Variants in DOCK4 observed in about 807,000 individuals in gnomAD.
DOCK4 encodes the protein dedicator of cytokinesis 4, also known as dedicator of cytokinesis protein 4.
Under a neutral mutation model 268.1 loss-of-function variants are expected in DOCK4, and 97 were observed. The ratio of observed to expected loss-of-function variants is 0.36; its 90% CI spans 0.31 to 0.43. The LOEUF is 0.43. Among genes scored for constraint, DOCK4 ranks in the 20% least tolerant of loss-of-function variants. The pLI is 1.00. For synonymous variants in DOCK4, 954 were observed against 887.2 expected (o/e 1.08, Z -1.34); for missense variants, 2,145 against 2,455.7 (o/e 0.87, Z 2.67).
At chr7:111,906,342 G>A (rs1791566247) in intron 13 of DOCK4, among the ~76,000 whole-genome samples, 1 of 152,066 alleles carries the variant, frequency 6.6e-6, no homozygotes, top group Admixed American at 6.6e-5. Context: ...AGAAGGAAGA[G>A]GTAGACAATA....
intron 13 of DOCK4, among the ~76,000 whole-genome samples, chr7:111,907,441 C>T (rs997281555): frequency 4.7e-5 from 7 of 147,896 alleles, no homozygotes; most frequent in African/African-American, 1.5e-4. Flanking sequence ...TCTGGCAGCC[C>T]GTTGGGGGAA....
chr7:112,098,986 T>A (rs906240014), intron 1 of DOCK4, among the ~76,000 whole-genome samples: 2 of 151,718 alleles, frequency 1.3e-5, no homozygotes, highest in Non-Finnish European at 2.9e-5. Context: ...CCCAGAAAGG[T>A]CAATCAATAG....
intron 52 of DOCK4, 55 bp downstream of exon 52, chr7:111,732,171 A>C: frequency 6.4e-7 from 1 of 1,563,130 alleles, no homozygotes; most frequent in Non-Finnish European, 8.8e-7. Flanking sequence ...GATGAGTCTT[A>C]GAGAAAAAGA....
At chr7:111,972,733 G>T (rs754239165) in intron 8 of DOCK4, among the ~76,000 whole-genome samples, 7 of 151,214 alleles carry the variant, frequency 4.6e-5, no homozygotes, top group Non-Finnish European at 8.8e-5. Context: ...AATTTCCAGT[G>T]AACATATATA....
intron 15 of DOCK4, among the ~76,000 whole-genome samples, chr7:111,899,528 CA>C (rs1214330598): frequency 6.6e-6 from 1 of 151,792 alleles, no homozygotes; most frequent in Non-Finnish European, 1.5e-5. Context: ...GTAATGAATG[CA>C]AAAAAATGGA....
At chr7:112,017,171 A>G (rs907314105) in intron 1 of DOCK4, among the ~76,000 whole-genome samples, 1 of 152,220 alleles carries the variant, frequency 6.6e-6, no homozygotes, top group Middle Eastern at 3.2e-3. Flanking sequence ...CTTAGGACTT[A>G]CTGATATTCA....
intron 5 of DOCK4, among the ~76,000 whole-genome samples, chr7:111,993,116 G>C (rs923994394): frequency 1.4e-4 from 21 of 152,036 alleles, no homozygotes; most frequent in African/African-American, 4.8e-4. Context: ...AACATCAAAG[G>C]GTTTTCACTA....
chr7:111,759,984 T>C (rs1205292259), intron 40 of DOCK4, among the ~76,000 whole-genome samples, 197 bp downstream of exon 40: 1 of 152,208 alleles, frequency 6.6e-6, no homozygotes, highest in Non-Finnish European at 1.5e-5. Context: ...TTCTTTCAAC[T>C]GACATCATCG....
chr7:112,023,692 C>T (rs1389200141), intron 1 of DOCK4: 1 of 446,546 alleles, frequency 2.2e-6, no homozygotes, highest in Non-Finnish European at 4.5e-6. Context: ...AATAGGCAGA[C>T]AGGCATTTTG....
intron 36 of DOCK4, among the ~76,000 whole-genome samples, 189 bp from the exon 37 acceptor site, chr7:111,769,866 G>C (rs1458759544): frequency 6.6e-6 from 1 of 152,080 alleles, no homozygotes; most frequent in Non-Finnish European, 1.5e-5. Flanking sequence ...TGATGGACTT[G>C]GACTAATCAG....
intron 12 of DOCK4, among the ~76,000 whole-genome samples, chr7:111,931,362 T>A (rs1794184407): frequency 6.6e-6 from 1 of 152,188 alleles, no homozygotes; most frequent in Non-Finnish European, 1.5e-5. Context: ...AAGGTATGAC[T>A]CATGGAAAAG....
At position 111,866,643 on chromosome 7, in the gene DOCK4, G is replaced by A. The variant is rs1466430443; in HGVS notation, c.2280+1341C>T. 7.2e-5 allele frequency among the ~76,000 whole-genome samples: 11 copies of A among 152,224 alleles called. No homozygotes were observed. In the South Asian group the frequency reaches 2.3e-3, roughly 32 times the overall value. ...ACCCCGGTGGCCCAAGCCACCTTAGGGGGACCTCCAGGATCCAGTGGTACA... is the reference window on the plus strand; with the variant it reads ...ACCCCGGTGGCCCAAGCCACCTTAGAGGGACCTCCAGGATCCAGTGGTACA... On this transcript the variant is annotated intron_variant, in intron 22 of 52. Coordinates refer to ENST00000428084, the MANE Select transcript of DOCK4 (RefSeq NM_001363540.2).
intron 8 of DOCK4, among the ~76,000 whole-genome samples, chr7:111,964,849 C>T (rs1198670039): frequency 2.6e-5 from 3 of 115,604 alleles, no homozygotes; most frequent in African/African-American, 4.2e-5. Flanking sequence ...AGACTAACAG[C>T]GGATCTCTCG....
intron 23 of DOCK4, among the ~76,000 whole-genome samples, chr7:111,861,188 C>T (rs1805478733): frequency 6.6e-6 from 1 of 152,070 alleles, no homozygotes; most frequent in Non-Finnish European, 1.5e-5. Context: ...TGCACAGAAC[C>T]CTTAGGACTG....
rs114568859 is a variant in DOCK4 at position 112,072,888 on chromosome 7, C to T, written c.38-68757G>A. 6.4e-3 allele frequency among the ~76,000 whole-genome samples: 971 copies of T among 152,290 alleles called. 13 individuals are homozygous for T. The highest frequency in any genetic ancestry group is 0.022 in the African/African-American group (904 of 41,558). On this transcript the variant is annotated intron_variant, in intron 1 of 52. Transcript: ENST00000428084. ...TTATACTGGTAAGGGAAGAATGCCT[C>T]AAGTGAGCATGAGTACAACTCCAGT...
At chr7:111,901,014 A>G (rs1261749859) in intron 14 of DOCK4, among the ~76,000 whole-genome samples, 1 of 152,216 alleles carries the variant, frequency 6.6e-6, no homozygotes, top group African/African-American at 2.4e-5. Context: ...CTTCATGCCT[A>G]TTTTGGTCAG....
intron 17 of DOCK4, among the ~76,000 whole-genome samples, chr7:111,875,882 C>G (rs901714968): frequency 6.6e-6 from 1 of 152,138 alleles, no homozygotes; most frequent in Non-Finnish European, 1.5e-5. Context: ...GCTGTTACAG[C>G]TGCAATAAAT....
intron 8 of DOCK4, among the ~76,000 whole-genome samples, chr7:111,963,927 G>A (rs1797161173): frequency 1.3e-5 from 1 of 75,862 alleles, no homozygotes; most frequent in Non-Finnish European, 2.4e-5. Context: ...TAACTGGGAG[G>A]CACCCCCCAG....
At chr7:111,793,234 A>C (rs1400470397) in intron 30 of DOCK4, among the ~76,000 whole-genome samples, 1 of 152,212 alleles carries the variant, frequency 6.6e-6, no homozygotes, top group African/African-American at 2.4e-5. Flanking sequence ...TTGAAGGGCC[A>C]TGTTGCAATG....
Sources: gnomAD v4.1 joint callset for allele counts (sites outside exome capture counted in the v4.1 genomes callset) on GRCh38, gnomAD v4.1.1 for gene constraint, MANE v1.5 for transcripts, NCBI Gene and HGNC (gene_info 2026-07-23, HGNC 2026-07-21) for gene names.